DYSF: variants seen among roughly 807,000 people sequenced by gnomAD.
DYSF encodes dysferlin, also known as dystrophy-associated fer-1-like 1.
In DYSF, 212 loss-of-function variants were observed where a neutral mutation model predicts 274.9. The ratio of observed to expected loss-of-function variants is 0.77; its 90% CI spans 0.69 to 0.86. The LOEUF is 0.86. DYSF is among the 40% of genes least tolerant of loss of function. DYSF has a pLI of 0.00. For synonymous variants in DYSF, 1,091 were observed against 1,078.7 expected (o/e 1.01, Z -0.22); for missense variants, 2,666 against 2,783.2 (o/e 0.96, Z 0.95).
intron 14 of DYSF, among the ~76,000 whole-genome samples, chr2:71,530,009 G>A (rs1305536031): frequency 1.4e-5 from 2 of 143,024 alleles, no homozygotes; most frequent in Non-Finnish European, 3.2e-5. Flanking sequence ...GACTAGCACA[G>A]GGTCCCAGTG....
intron 51 of DYSF, among the ~76,000 whole-genome samples, chr2:71,672,688 T>C (rs968970505): frequency 2.6e-5 from 4 of 152,224 alleles, no homozygotes; most frequent in Non-Finnish European, 4.4e-5. Context: ...CGTTTGAACC[T>C]CTGGCTCATT....
chr2:71,553,610 T>C (rs1044677785), intron 20 of DYSF, among the ~76,000 whole-genome samples, 197 bp from the exon 21 acceptor site: 9 of 152,116 alleles, frequency 5.9e-5, no homozygotes, highest in Admixed American at 4.6e-4. Context: ...GGAACACGGG[T>C]ACGGGCCACT....
chr2:71,644,058 C>G lies in DYSF; in HGVS notation c.4621C>G (p.Leu1541Val). 6.2e-7 allele frequency: 1 copy of G among 1,609,558 alleles called. No individual in the cohort carries two copies. Among genetic ancestry groups the G allele is most frequent in the Non-Finnish European group, 8.5e-7 (1 of 1,177,762 alleles). The change falls in exon 42 of 56, where the codon CTG (leucine) becomes GTG (valine). Residue 1541 changes from leucine to valine, a missense_variant. By Grantham distance (32) the Leu-to-Val change is conservative. Transcript: ENST00000410020. Reference protein sequence around the residue: ...GSYLEKDFDTLKVYDTQLENV... With the variant: ...GSYLEKDFDTVKVYDTQLENV... ...CTACCTGGAGAAGGATTTTGACACC[C>G]TGAAGGTAAGGCCTCTCTTCAGTCT... is the stretch of plus-strand genomic sequence containing the variant.
chr2:71,664,204 C>A, intron 45 of DYSF, 64 bp from the exon 46 acceptor site: 1 of 1,608,948 alleles, frequency 6.2e-7, no homozygotes, highest in South Asian at 1.1e-5. Flanking sequence ...GAGCTCTTGT[C>A]CTGCCCTGCC....
At chr2:71,643,899 A>T in intron 41 of DYSF, 66 bp from the exon 42 acceptor site, 1 of 1,340,378 alleles carries the variant, frequency 7.5e-7, no homozygotes, top group Non-Finnish European at 1.1e-6. Context: ...GAGGGTTTCC[A>T]ACTCTGAAGA....
chr2:71,565,542 C>T (rs929487275), intron 24 of DYSF, among the ~76,000 whole-genome samples: 1 of 152,182 alleles, frequency 6.6e-6, no homozygotes, highest in African/African-American at 2.4e-5. Flanking sequence ...CCCTCCTCCC[C>T]TCTTCCAGGA....
chr2:71,583,644 C>A (rs964965795), intron 30 of DYSF, among the ~76,000 whole-genome samples: 1 of 152,186 alleles, frequency 6.6e-6, no homozygotes. Flanking sequence ...CCTGTTTAGA[C>A]CAAGGCACCA....
chr2:71,572,808 T>C (rs1314356967), intron 29 of DYSF, among the ~76,000 whole-genome samples: 4 of 152,140 alleles, frequency 2.6e-5, no homozygotes, highest in Admixed American at 1.3e-4. Flanking sequence ...GAGCTGTCGA[T>C]GCTGATGGCA....
intron 32 of DYSF, among the ~76,000 whole-genome samples, chr2:71,597,876 C>G (rs968759759): frequency 4.6e-5 from 7 of 152,196 alleles, no homozygotes; most frequent in Admixed American, 3.3e-4. Context: ...CTGCAGTGAC[C>G]TCAGAACTGG....
intron 6 of DYSF, 45 bp from the exon 7 acceptor site, chr2:71,513,671 C>T: frequency 6.3e-7 from 1 of 1,599,712 alleles, no homozygotes. Flanking sequence ...GGGGCAGGGG[C>T]AGGGCCAGAG....
intron 13 of DYSF, among the ~76,000 whole-genome samples, chr2:71,527,773 C>T (rs1245150976): frequency 6.6e-6 from 1 of 151,692 alleles, no homozygotes; most frequent in East Asian, 1.9e-4. Flanking sequence ...ATAAACATAT[C>T]TATCTATCTG....
chr2:71,560,415 A>C (rs368439787), intron 22 of DYSF, among the ~76,000 whole-genome samples: 41 of 22,708 alleles, frequency 1.8e-3, no homozygotes, highest in Admixed American at 7.3e-3. Context: ...GTTCCCAGGC[A>C]GGCCCCCGCC....
At position 71,561,741 on chromosome 2, in the gene DYSF, G is replaced by A. The variant is rs200853014; in HGVS notation, c.2217-11G>A. On this transcript the variant is annotated splice_polypyrimidine_tract_variant and intron_variant, in intron 22 of 55. Coordinates refer to ENST00000410020, the MANE Select transcript of DYSF (RefSeq NM_001130987.2). ...CTCATCAGGCGCATTCCATCTGTCCGTCCCTCACAGCCAGCCTCTGGGTGA... is the reference window on the plus strand; with the variant it reads ...CTCATCAGGCGCATTCCATCTGTCCATCCCTCACAGCCAGCCTCTGGGTGA... 980 of 1,614,104 alleles carry A rather than the reference G, an allele frequency of 6.1e-4. 8 individuals carry two copies. Among genetic ancestry groups the A allele is most frequent in the South Asian group, 5.5e-3 (501 of 91,086 alleles).
chr2:71,641,706 T>TG (rs60929227), intron 41 of DYSF, among the ~76,000 whole-genome samples: 7,840 of 152,206 alleles, frequency 0.052, 674 homozygotes, highest in African/African-American at 0.18. Context: ...TATCTCCTAT[T>TG]GTTGGTATTT....
chr2:71,621,535 A>G (rs1183755650), intron 41 of DYSF, among the ~76,000 whole-genome samples: 2 of 152,056 alleles, frequency 1.3e-5, no homozygotes, highest in Admixed American at 6.6e-5. Flanking sequence ...AATACTTTTT[A>G]AAAACAAAAT....
intron 40 of DYSF, among the ~76,000 whole-genome samples, chr2:71,614,289 C>T (rs2093835259): frequency 6.6e-6 from 1 of 152,238 alleles, no homozygotes; most frequent in Non-Finnish European, 1.5e-5. Context: ...CCCTGGGGCT[C>T]CCAGAACTTC....
intron 42 of DYSF, among the ~76,000 whole-genome samples, chr2:71,652,075 C>G (rs60078081): frequency 0.05 from 7,619 of 152,198 alleles, 649 homozygotes; most frequent in African/African-American, 0.17. Flanking sequence ...AGAAAATGAA[C>G]TTGTATTTCT....
At chr2:71,476,276 G>T (rs982270622) in intron 1 of DYSF, among the ~76,000 whole-genome samples, 1 of 152,128 alleles carries the variant, frequency 6.6e-6, no homozygotes, top group Non-Finnish European at 1.5e-5. Context: ...GGCAGGCTGG[G>T]TGTGGTGGCT....
intron 42 of DYSF, among the ~76,000 whole-genome samples, chr2:71,650,542 G>C (rs2094638360): frequency 6.6e-6 from 1 of 152,108 alleles, no homozygotes; most frequent in Non-Finnish European, 1.5e-5. Context: ...GGCTTGGCAT[G>C]ATTAGTAACC....
Sources: allele counts gnomAD v4.1 joint callset (sites outside exome capture counted in the v4.1 genomes callset), GRCh38; gene constraint gnomAD v4.1.1; transcripts MANE v1.5; gene names NCBI Gene and HGNC (gene_info 2026-07-23, HGNC 2026-07-21).